PEX3: variants seen among roughly 807,000 people sequenced by gnomAD.
PEX3 encodes peroxin-3.
A neutral mutation model predicts 55.8 loss-of-function variants in PEX3; 30 were observed. The ratio of observed to expected loss-of-function variants is 0.54; its 90% CI spans 0.40 to 0.73. The LOEUF is 0.73. Ranked by LOEUF, PEX3 falls within the 30% of genes least tolerant of loss-of-function variation. The probability of loss-of-function intolerance (pLI) is 0.00; values close to 1 mark genes in which losing one functional copy is unlikely to be tolerated. For synonymous variants in PEX3, 135 were observed against 148.4 expected (o/e 0.91, Z 0.66); for missense variants, 351 against 432.8 (o/e 0.81, Z 1.68).
Position 143,487,631 on chromosome 6 carries a change from TTAA to T in PEX3, c.1039-1507_1039-1505del, listed in dbSNP as rs1413585419. On this transcript the variant is annotated intron_variant, in intron 11 of 11. Transcript: ENST00000367591. The surrounding 1 kb of genome is among the most constrained non-coding windows in gnomAD (Gnocchi z 5.3). ...TCTATAATATGGCTGACGTCTACTA[TTAA>T]TAATTTGTTGTGCCAAAGTGAATGT... Among the ~76,000 whole-genome samples the T allele has an allele frequency of 6.6e-6, 1 of 152,132 alleles. No individual in the cohort carries two copies. The highest frequency in any genetic ancestry group is 1.5e-5 in the Non-Finnish European group (1 of 67,978).
intron 9 of PEX3, 62 bp downstream of exon 9, chr6:143,474,918 T>A: frequency 1.1e-6 from 1 of 907,768 alleles, no homozygotes; most frequent in Non-Finnish European, 1.9e-6. Context: ...TGAGACTATT[T>A]TTTAGTTTTT....
intron 8 of PEX3, among the ~76,000 whole-genome samples, chr6:143,473,621 A>C (rs879155642): frequency 6.6e-6 from 1 of 152,128 alleles, no homozygotes; most frequent in Admixed American, 6.5e-5. Context: ...AGAAAAAAGC[A>C]TAGGAGGTTG....
At chr6:143,456,616 T>A (rs903819973) in intron 1 of PEX3, among the ~76,000 whole-genome samples, 2 of 152,190 alleles carry the variant, frequency 1.3e-5, no homozygotes, top group Non-Finnish European at 2.9e-5. Flanking sequence ...GATAGGCATC[T>A]CCTCTGTTTT....
chr6:143,472,947 C>G (rs901095794), intron 8 of PEX3, among the ~76,000 whole-genome samples: 1 of 152,144 alleles, frequency 6.6e-6, no homozygotes, highest in South Asian at 2.1e-4. Context: ...GTAGTTGTTA[C>G]GTAAGTTATT....
intron 4 of PEX3, among the ~76,000 whole-genome samples, chr6:143,468,809 C>CT (rs1584008932): frequency 1.1e-4 from 8 of 72,884 alleles, no homozygotes; most frequent in Admixed American, 3.9e-4. Flanking sequence ...TATCCCCCCC[C>CT]CCCCCACCCC....
chr6:143,485,646 G>A lies in PEX3; in HGVS notation c.1038+398G>A, dbSNP rs1212128903. Among the ~76,000 whole-genome samples the A allele has an allele frequency of 2.0e-5, 3 of 152,016 alleles. No homozygotes were observed. The highest frequency in any genetic ancestry group is 1.9e-4 in the East Asian group (1 of 5,200). Reference sequence around the variant, plus strand: ...TTGTGGAGAAGTAAAGCATTTTAGTGATTAATAAAATGTAACAGTTAATAG... The same window carrying A: ...TTGTGGAGAAGTAAAGCATTTTAGTAATTAATAAAATGTAACAGTTAATAG... On this transcript the variant is annotated intron_variant, in intron 11 of 11. Coordinates refer to ENST00000367591, the MANE Select transcript of PEX3 (RefSeq NM_003630.3). This position sits in a 1 kb window ranked among gnomAD's most constrained non-coding sequence, Gnocchi z 5.6.
At chr6:143,455,136 G>A (rs1392918810) in intron 1 of PEX3, among the ~76,000 whole-genome samples, 1 of 150,890 alleles carries the variant, frequency 6.6e-6, no homozygotes. Context: ...ATGTACTGGG[G>A]ATGCAGCATC....
In PEX3 at chr6:143,464,255, G is replaced by A. The variant is rs918509570; in HGVS notation, c.287+1258G>A. Reference sequence around the variant, plus strand: ...GCAAGACAAGTTAAATAAGTGAATAGCATTTTTATACAAGCAACATAATAC... The same window carrying A: ...GCAAGACAAGTTAAATAAGTGAATAACATTTTTATACAAGCAACATAATAC... On this transcript the variant is annotated intron_variant, in intron 3 of 11. Coordinates refer to ENST00000367591, the MANE Select transcript of PEX3 (RefSeq NM_003630.3). The surrounding 1 kb of genome is among the most constrained non-coding windows in gnomAD (Gnocchi z 5.8). Among the ~76,000 whole-genome samples, 1 of 151,998 alleles carries A rather than the reference G, an allele frequency of 6.6e-6. No homozygotes were observed. The highest frequency in any genetic ancestry group is 1.5e-5 in the Non-Finnish European group (1 of 67,934).
rs1780140236 is a variant in PEX3, at chr6:143,475,550, G to T, written c.818+694G>T. On this transcript the variant is annotated intron_variant, in intron 9 of 11. Transcript: ENST00000367591. This position sits in a 1 kb window ranked among gnomAD's most constrained non-coding sequence, Gnocchi z 4.4. The stretch of plus-strand genomic sequence containing the variant: ...CACCTGTGGTCCCAGTTACTTGGGA[G>T]GCTGAGGTGGAAGGATCACCTGAGC... 1.3e-5 allele frequency among the ~76,000 whole-genome samples: 2 copies of T among 152,202 alleles called. No individual in the cohort carries two copies. The highest frequency in any genetic ancestry group is 1.3e-4 in the Admixed American group (2 of 15,286).
rs1204488300 is a variant in PEX3, at chr6:143,466,989, A to C, written c.288-1133A>C. 6.6e-6 allele frequency among the ~76,000 whole-genome samples: 1 copy of C among 152,052 alleles called. No individual in the cohort carries two copies. The highest frequency in any genetic ancestry group is 1.5e-5 in the Non-Finnish European group (1 of 67,930). ...ATAATGTCCAAAAATATATAGTACCATAAATCAAATTAACCTAAATATGAT... is the reference window on the plus strand; with the variant it reads ...ATAATGTCCAAAAATATATAGTACCCTAAATCAAATTAACCTAAATATGAT... On this transcript the variant is annotated intron_variant, in intron 3 of 11. Coordinates refer to ENST00000367591, the MANE Select transcript of PEX3 (RefSeq NM_003630.3). The surrounding 1 kb of genome is among the most constrained non-coding windows in gnomAD (Gnocchi z 5.4).
At chr6:143,470,920 TATTA>T in intron 4 of PEX3, 37 bp from the exon 5 acceptor site, 1 of 1,576,850 alleles carries the variant, frequency 6.3e-7, no homozygotes, top group Non-Finnish European at 8.7e-7. Flanking sequence ...TACACATTTG[TATTA>T]ATCACAGTAC....
In PEX3 at chr6:143,471,833, A is replaced by G. The variant is rs1237542267; in HGVS notation, c.578+222A>G. The stretch of plus-strand genomic sequence containing the variant: ...TTAATGTTTCATTGTTAATTGATTG[A>G]TTTCATACAAATCAGAAATATTTGG... On this transcript the variant is annotated intron_variant, in intron 7 of 11. Transcript: ENST00000367591. This position sits in a 1 kb window ranked among gnomAD's most constrained non-coding sequence, Gnocchi z 5.4. Among the ~76,000 whole-genome samples, 1 of 151,974 alleles carries G rather than the reference A, an allele frequency of 6.6e-6. No homozygotes were observed. Among genetic ancestry groups the G allele is most frequent in the Non-Finnish European group, 1.5e-5 (1 of 67,968 alleles).
Position 143,479,148 on chromosome 6 carries a change from GTTCT to G in PEX3, c.895_898del (p.Phe299AspfsTer13), listed in dbSNP as rs1371125436. The G allele has an allele frequency of 6.2e-7, 1 of 1,603,190 alleles. No homozygotes were observed. Among genetic ancestry groups the G allele is most frequent in the Non-Finnish European group, 8.5e-7 (1 of 1,170,326 alleles). On this transcript the variant is annotated frameshift_variant, in exon 10 of 12. Coordinates refer to ENST00000367591, the MANE Select transcript of PEX3 (RefSeq NM_003630.3). LOFTEE classifies it high-confidence loss of function. The surrounding 1 kb of genome is among the most constrained non-coding windows in gnomAD (Gnocchi z 4.6). ...GTAGACTTCTAGACAATATGGCTGA[GTTCT>G]TTCGACCTACTGAACAGGACCTGCA...
chr6:143,483,858 C>T lies in PEX3; in HGVS notation c.942-1294C>T, dbSNP rs181240914. Among the ~76,000 whole-genome samples, 1 of 152,012 alleles carries T rather than the reference C, an allele frequency of 6.6e-6. No individual in the cohort carries two copies. Among genetic ancestry groups the T allele is most frequent in the East Asian group, 1.9e-4 (1 of 5,164 alleles). On this transcript the variant is annotated intron_variant, in intron 10 of 11. Coordinates refer to ENST00000367591, the MANE Select transcript of PEX3 (RefSeq NM_003630.3). This position sits in a 1 kb window ranked among gnomAD's most constrained non-coding sequence, Gnocchi z 4.3. ...GCATAAGATAGACATGGTGTGTAAC[C>T]TCATGGAGCTTGCATGATAGTGAGG...
At chr6:143,468,244 T>C (rs1235589487) in intron 4 of PEX3, 79 bp downstream of exon 4, 2 of 941,270 alleles carry the variant, frequency 2.1e-6, no homozygotes, top group Non-Finnish European at 3.4e-6. Context: ...TTAGGATGAC[T>C]CTTCTTTACC....
intron 3 of PEX3, 98 bp from the exon 4 acceptor site, chr6:143,468,024 A>T (rs1780014343): frequency 4.2e-6 from 3 of 719,002 alleles, no homozygotes; most frequent in Non-Finnish European, 6.9e-6. Flanking sequence ...TGTTGCTTTT[A>T]ATTTTTTTTA....
intron 10 of PEX3, among the ~76,000 whole-genome samples, chr6:143,480,157 T>C (rs1241278490): frequency 6.6e-6 from 1 of 152,168 alleles, no homozygotes; most frequent in Admixed American, 6.5e-5. Context: ...GTATATTCTC[T>C]GAAGTAATTT....
At chr6:143,467,016 C>T (rs1372981212) in intron 3 of PEX3, among the ~76,000 whole-genome samples, 2 of 151,852 alleles carry the variant, frequency 1.3e-5, no homozygotes, top group Non-Finnish European at 2.9e-5. Flanking sequence ...AAATATGATT[C>T]TTGTTGGTAG....
Position 143,453,569 on chromosome 6 carries a change from G to T in PEX3, c.73+2454G>T, listed in dbSNP as rs765973091. On this transcript the variant is annotated intron_variant, in intron 1 of 11. Transcript: ENST00000367591. The surrounding 1 kb of genome is among the most constrained non-coding windows in gnomAD (Gnocchi z 4.6). The stretch of plus-strand genomic sequence containing the variant: ...CACGCTAGAATACAATGGTGTGATC[G>T]TAGCTCACTGCAGCCTTGTTTTCTC... 1.3e-5 allele frequency among the ~76,000 whole-genome samples: 2 copies of T among 152,006 alleles called. No homozygotes were observed. The highest frequency in any genetic ancestry group is 3.9e-4 in the East Asian group (2 of 5,188).
Sources: allele counts gnomAD v4.1 joint callset (sites outside exome capture counted in the v4.1 genomes callset), GRCh38; gene constraint gnomAD v4.1.1; non-coding constraint Gnocchi (gnomAD v3.1); transcripts MANE v1.5; gene names NCBI Gene and HGNC (gene_info 2026-07-23, HGNC 2026-07-21).